ITPR2: variants seen among roughly 807,000 people sequenced by gnomAD.
ITPR2 encodes the protein inositol 1,4,5-trisphosphate receptor type 2.
In ITPR2, 207 loss-of-function variants were observed where a neutral mutation model predicts 317.1. The observed-to-expected ratio is 0.65, with a 90% CI of 0.58 to 0.73. The LOEUF is 0.73. ITPR2 is among the 30% of genes least tolerant of loss of function. The probability of loss-of-function intolerance (pLI) is 0.00; values close to 1 mark genes in which losing one functional copy is unlikely to be tolerated. For missense variants in ITPR2, 2,613 were observed against 3,284.0 expected, an observed-to-expected ratio of 0.80 and a Z score of 4.99; for synonymous variants, 1,156 against 1,149.1, an observed-to-expected ratio of 1.01 and a Z score of -0.12.
intron 2 of ITPR2, among the ~76,000 whole-genome samples, chr12:26,733,615 T>C (rs1417913644): frequency 1.3e-5 from 2 of 152,190 alleles, no homozygotes; most frequent in Non-Finnish European, 2.9e-5. Context: ...CATACACTAA[T>C]AGGTAAACAC....
At chr12:26,395,836 G>A (rs537213114) in intron 54 of ITPR2, among the ~76,000 whole-genome samples, 4 of 152,258 alleles carry the variant, frequency 2.6e-5, no homozygotes, top group South Asian at 4.1e-4. Context: ...GTAGTCCTCC[G>A]CTCAAATCTT....
At chr12:26,777,910 A>C (rs1950004691) in intron 2 of ITPR2, among the ~76,000 whole-genome samples, 1 of 152,168 alleles carries the variant, frequency 6.6e-6, no homozygotes, top group South Asian at 2.1e-4. Context: ...AAATGATCAG[A>C]TATTTTAGGG....
At chr12:26,356,804 C>T (rs1938654994) in intron 55 of ITPR2, among the ~76,000 whole-genome samples, 1 of 152,186 alleles carries the variant, frequency 6.6e-6, no homozygotes, top group East Asian at 1.9e-4. Flanking sequence ...GCTTTGGCTT[C>T]CCAAAGTTCT....
intron 32 of ITPR2, 31 bp downstream of exon 32, chr12:26,595,434 G>T: frequency 6.3e-7 from 1 of 1,588,320 alleles, no homozygotes; most frequent in African/African-American, 1.4e-5. Flanking sequence ...AATATCTATT[G>T]ACACCCTTCA....
At chr12:26,423,216 G>A (rs900660421) in intron 49 of ITPR2, among the ~76,000 whole-genome samples, 6 of 152,142 alleles carry the variant, frequency 3.9e-5, no homozygotes, top group African/African-American at 1.4e-4. Context: ...GAGAGAGAGA[G>A]AGAAAATGAA....
At chr12:26,405,889 T>G (rs1372326927) in intron 52 of ITPR2, among the ~76,000 whole-genome samples, 1 of 152,120 alleles carries the variant, frequency 6.6e-6, no homozygotes, top group Non-Finnish European at 1.5e-5. Flanking sequence ...ACCTGGGAAG[T>G]GCAGGTTGCA....
At chr12:26,384,308 T>C (rs187127061) in intron 55 of ITPR2, among the ~76,000 whole-genome samples, 1 of 152,364 alleles carries the variant, frequency 6.6e-6, no homozygotes, top group East Asian at 1.9e-4. Flanking sequence ...TTTAGATGTT[T>C]TCCAAAGAGG....
At chr12:26,341,085 T>C (rs985542678) in intron 55 of ITPR2, among the ~76,000 whole-genome samples, 4 of 152,246 alleles carry the variant, frequency 2.6e-5, no homozygotes, top group Admixed American at 2.6e-4. Flanking sequence ...AGAATCACTA[T>C]GCATTACTTA....
intron 2 of ITPR2, among the ~76,000 whole-genome samples, chr12:26,784,255 ATC>A (rs1950148789): frequency 9.7e-6 from 1 of 103,006 alleles, no homozygotes; most frequent in African/African-American, 4.3e-5. Context: ...AAAATGGAGA[ATC>A]TCCCTCTCCC....
chr12:26,501,717 C>A (rs1446462147), intron 37 of ITPR2, among the ~76,000 whole-genome samples: 3 of 152,184 alleles, frequency 2.0e-5, no homozygotes, highest in Non-Finnish European at 2.9e-5. Context: ...ATAATGGCAA[C>A]CTACTTCCAA....
chr12:26,479,622 A>G (rs1942500789), intron 43 of ITPR2, among the ~76,000 whole-genome samples: 1 of 152,206 alleles, frequency 6.6e-6, no homozygotes, highest in African/African-American at 2.4e-5. Context: ...TTACAGGCCT[A>G]GGCTGGTTTC....
intron 21 of ITPR2, among the ~76,000 whole-genome samples, chr12:26,643,316 C>T (rs949238830): frequency 7.2e-5 from 11 of 152,246 alleles, no homozygotes; most frequent in African/African-American, 1.9e-4. Context: ...AATTGTCTTA[C>T]GAAGAAGTGG....
chr12:26,733,987 G>A (rs77265503), intron 2 of ITPR2, among the ~76,000 whole-genome samples: 2 of 152,212 alleles, frequency 1.3e-5, no homozygotes, highest in East Asian at 3.9e-4. Context: ...ATGCAGACAA[G>A]ATACACACAT....
chr12:26,483,259 T>C (rs1442179431), intron 42 of ITPR2, among the ~76,000 whole-genome samples: 1 of 152,236 alleles, frequency 6.6e-6, no homozygotes, highest in Non-Finnish European at 1.5e-5. Flanking sequence ...CTCTGGAAAG[T>C]CACTTAATCT....
At chr12:26,487,979 A>G (rs2136854227) in intron 39 of ITPR2, among the ~76,000 whole-genome samples, 1 of 152,298 alleles carries the variant, frequency 6.6e-6, no homozygotes, top group Admixed American at 6.5e-5. Context: ...CAAAAGTATG[A>G]TAAAATGTAT....
intron 21 of ITPR2, among the ~76,000 whole-genome samples, chr12:26,635,080 T>G (rs1210942452): frequency 6.6e-6 from 1 of 152,190 alleles, no homozygotes; most frequent in Non-Finnish European, 1.5e-5. Context: ...AATACATTGC[T>G]TTGTTCTTTG....
At chr12:26,598,475 C>T (rs775127065) in intron 30 of ITPR2, among the ~76,000 whole-genome samples, 24 of 152,256 alleles carry the variant, frequency 1.6e-4, no homozygotes, top group Admixed American at 3.3e-4. Flanking sequence ...GGTCACAGAG[C>T]GGTGATTTAA....
intron 37 of ITPR2, among the ~76,000 whole-genome samples, chr12:26,529,060 T>C (rs898743086): frequency 6.6e-6 from 1 of 152,224 alleles, no homozygotes; most frequent in African/African-American, 2.4e-5. Context: ...GCCTCCATCA[T>C]GTCTCAGCTA....
intron 1 of ITPR2, among the ~76,000 whole-genome samples, chr12:26,819,533 G>A (rs16931380): frequency 0.13 from 19,592 of 151,998 alleles, 1,399 homozygotes; most frequent in East Asian, 0.32. Context: ...CCAACTACTC[G>A]CTGCATTTTT....
Sources: gnomAD v4.1 joint callset for allele counts (sites outside exome capture counted in the v4.1 genomes callset) on GRCh38, gnomAD v4.1.1 for gene constraint, MANE v1.5 for transcripts, NCBI Gene and HGNC (gene_info 2026-07-23, HGNC 2026-07-21) for gene names.